Variants in TRO observed in about 807,000 individuals in gnomAD.
The protein encoded by TRO is trophinin, also known as MAGE superfamily protein.
In TRO, 29 loss-of-function variants were observed where a neutral mutation model predicts 42.3. That is an observed-to-expected ratio of 0.68 (90% CI 0.51 to 0.93). The LOEUF is 0.93. Ranked by LOEUF, TRO falls within the 40% of genes least tolerant of loss-of-function variation. TRO has a pLI of 0.00. For missense variants in TRO, 963 were observed against 1,127.7 expected, an observed-to-expected ratio of 0.85 and a Z score of 2.09; for synonymous variants, 384 against 425.2, an observed-to-expected ratio of 0.90 and a Z score of 1.19.
Position 54,923,541 on chromosome X carries a change from G to A in TRO, c.1009G>A (p.Val337Ile), listed in dbSNP as rs771071749. The change falls in exon 3 of 13, where the codon GTC (valine) becomes ATC (isoleucine). Residue 337 changes from valine to isoleucine, a missense_variant. Val to Ile is a conservative substitution (Grantham distance 29, BLOSUM62 3). This residue lies in a region of TRO where 322 missense variants were observed against 316.5 expected (regional missense o/e 1.02). Transcript: ENST00000173898. ...CCAAGCCCTGGCAGCCACCCTGCGGGTCAAGAGAGGGTCTAGGGCTCGGAA... is the reference window on the plus strand; with the variant it reads ...CCAAGCCCTGGCAGCCACCCTGCGGATCAAGAGAGGGTCTAGGGCTCGGAA... The part of the protein sequence containing the change: ...TNQALAATLR[V>I]KRGSRARKAA... 1 of 1,190,592 alleles carries A rather than the reference G, an allele frequency of 8.4e-7. No homozygotes were observed. The highest frequency in any genetic ancestry group is 1.1e-6 in the Non-Finnish European group (1 of 883,754).
intron 7 of TRO, 93 bp downstream of exon 7, chrX:54,925,776 G>C (rs1314191850): frequency 1.4e-5 from 11 of 787,263 alleles, no homozygotes; most frequent in Non-Finnish European, 2.0e-5. Flanking sequence ...TCCTCTTAGA[G>C]AGTCAGGAAA....
At position 54,927,687 on chromosome X, in the gene TRO, T is replaced by C; in HGVS notation, c.1784T>C (p.Val595Ala). 1 of 1,209,891 alleles carries C rather than the reference T, an allele frequency of 8.3e-7. No homozygotes were observed. Among genetic ancestry groups the C allele is most frequent in the African/African-American group, 1.7e-5 (1 of 57,517 alleles). ...VKQKYLEYKR[V>A]PNSRPPEYEF... ...CCAAGGTACCTGGAGTACAAGAGGG[T>C]CCCTAACAGCAGACCACCTGAATAT... Residue 595 changes from valine (V) to alanine (A), a missense_variant, in exon 11 of 13, where the codon GTC becomes GCC. By Grantham distance (64) the Val-to-Ala change is moderately conservative (BLOSUM62 0). Transcript: ENST00000173898.
chrX:54,923,986 T>A, intron 3 of TRO: 4 of 419,575 alleles, frequency 9.5e-6, no homozygotes, highest in Non-Finnish European at 1.6e-5. Flanking sequence ...CTACAACCTG[T>A]ATGTAATACT....
Position 54,930,486 on chromosome X carries a change from C to T in TRO, c.3762C>T (p.Gly1254=). ...GCGCTGGCTTCGGTGGAGGACCAGGCACCAGCACTGGTTTTGGTGGTGGAC... is the reference window on the plus strand; with the variant it reads ...GCGCTGGCTTCGGTGGAGGACCAGGTACCAGCACTGGTTTTGGTGGTGGAC... The part of the protein sequence containing the change: ...GTSAGFGGGP[G]TSTGFGGGLG... The change falls in exon 12 of 13, where the codon GGC becomes GGT. Residue 1254 remains glycine, a synonymous_variant. Coordinates refer to ENST00000173898, the MANE Select transcript of TRO (RefSeq NM_001039705.3). 1.7e-6 allele frequency: 2 copies of T among 1,211,002 alleles called. No individual in the cohort carries two copies. The highest frequency in any genetic ancestry group is 2.2e-6 in the Non-Finnish European group (2 of 895,178).
chrX:54,928,600 C>T lies in TRO; in HGVS notation c.1879-3C>T. On this transcript the variant is annotated splice_polypyrimidine_tract_variant and splice_region_variant and intron_variant, in intron 11 of 12. Transcript: ENST00000173898. ...CTTATTATGATTATCATCCCCATTT[C>T]AGGTGCAGAAGAAAGACCCCAAGGA... The T allele has an allele frequency of 8.8e-7, 1 of 1,142,116 alleles. No individual in the cohort carries two copies. The highest frequency in any genetic ancestry group is 1.2e-6 in the Non-Finnish European group (1 of 862,937). The allele number at this position is 1,142,116 out of a possible 1,213,427, so 94.1% of individuals were successfully genotyped here.
intron 1 of TRO, 152 bp downstream of exon 1, chrX:54,921,030 G>C (rs779138771): frequency 9.0e-6 from 1 of 111,406 alleles, no homozygotes; most frequent in South Asian, 3.8e-4. Flanking sequence ...AGCGGTGCCT[G>C]GACCCAGTTC....
rs755452945 is a variant in TRO, at chrX:54,928,667, A to G, written c.1943A>G (p.Gln648Arg). The change falls in exon 12 of 13, where the codon CAA (glutamine) becomes CGA (arginine). Residue 648 changes from glutamine (Q) to arginine (R), a missense_variant. Gln to Arg is a conservative substitution (Grantham distance 43). Coordinates refer to ENST00000173898, the MANE Select transcript of TRO (RefSeq NM_001039705.3). Reference sequence around the variant, plus strand: ...CGCGAGGCAGTGGAGATGGAAGTCCAAGCTGCAGCTGTGGCTGTGGCTGAG... The same window carrying G: ...CGCGAGGCAGTGGAGATGGAAGTCCGAGCTGCAGCTGTGGCTGTGGCTGAG... The part of the protein sequence containing the change: ...QYREAVEMEV[Q>R]AAAVAVAEAE... 2.5e-6 allele frequency: 3 copies of G among 1,200,871 alleles called. No individual in the cohort carries two copies. The East Asian group carries it at 8.9e-5, about 36-fold the overall frequency.
rs371737983 is a variant in TRO, at chrX:54,928,776, T to C, written c.2052T>C (p.Asp684=). 3.3e-6 allele frequency: 4 copies of C among 1,210,696 alleles called. No homozygotes were observed. The highest frequency in any genetic ancestry group is 4.4e-5 in the Admixed American group (2 of 45,940). The change falls in exon 12 of 13, where the codon GAT becomes GAC. Residue 684 remains aspartate, a synonymous_variant. Transcript: ENST00000173898. Reference sequence around the variant, plus strand: ...GGCCCTGGAATTGGGATGACATGGATATCGACTGCCTAACAAGGGAAGAGT... The same window carrying C: ...GGCCCTGGAATTGGGATGACATGGACATCGACTGCCTAACAAGGGAAGAGT... The part of the protein sequence containing the change: ...VAGPWNWDDM[D]IDCLTREELG...
At position 54,924,751 on chromosome X, in the gene TRO, C is replaced by G. The variant is rs199589273; in HGVS notation, c.1405+18C>G. 1 of 1,204,789 alleles carries G rather than the reference C, an allele frequency of 8.3e-7. No individual in the cohort carries two copies. Among genetic ancestry groups the G allele is most frequent in the Admixed American group, 2.2e-5 (1 of 46,031 alleles). Reference sequence around the variant, plus strand: ...ACGCTCAGGTAGTGTCCTACCAACCCTCCTCCTTGAGCTCTCCTCTCCACT... The same window carrying G: ...ACGCTCAGGTAGTGTCCTACCAACCGTCCTCCTTGAGCTCTCCTCTCCACT... On this transcript the variant is annotated intron_variant, in intron 5 of 12. Coordinates refer to ENST00000173898, the MANE Select transcript of TRO (RefSeq NM_001039705.3).
Position 54,930,272 on chromosome X carries a change from C to T in TRO, c.3548C>T (p.Thr1183Ile), listed in dbSNP as rs1022743515. 3 of 1,211,983 alleles carry T rather than the reference C, an allele frequency of 2.5e-6. No homozygotes were observed. Among genetic ancestry groups the T allele is most frequent in the Middle Eastern group, 4.6e-4 (2 of 4,354 alleles). ...ACCAGTGCCTGCTTTAGTGGTGCTA[C>T]CAGCCCTAGTTTTTGTGATGGACCC... ...PSTSACFSGATSPSFCDGPST... is the reference protein window; with the variant it reads ...PSTSACFSGAISPSFCDGPST... The change falls in exon 12 of 13, where the codon ACC becomes ATC. Residue 1183 changes from threonine (T) to isoleucine (I), a missense_variant. Thr to Ile is a moderately conservative substitution (Grantham distance 89). This residue lies in a region of TRO where 641 missense variants were observed against 811.3 expected (regional missense o/e 0.79). Transcript: ENST00000173898.
In TRO at chrX:54,929,106, C is replaced by T. The variant is rs746967125; in HGVS notation, c.2382C>T (p.Ser794=). ...SSSFSSAASI[S]FGCAHSTSTS... is the part of the protein sequence containing the mutation. Reference sequence around the variant, plus strand: ...GCTTCAGCAGCGCAGCCAGCATTAGCTTTGGTTGTGCACACAGCACCAGCA... The same window carrying T: ...GCTTCAGCAGCGCAGCCAGCATTAGTTTTGGTTGTGCACACAGCACCAGCA... The change falls in exon 12 of 13, where the codon AGC becomes AGT. Residue 794 remains serine, a synonymous_variant. Coordinates refer to ENST00000173898, the MANE Select transcript of TRO (RefSeq NM_001039705.3). 2.5e-6 allele frequency: 3 copies of T among 1,211,487 alleles called. No homozygotes were observed. Among genetic ancestry groups the T allele is most frequent in the African/African-American group, 1.7e-5 (1 of 57,650 alleles).
chrX:54,923,606 A>G lies in TRO; in HGVS notation c.1074A>G (p.Pro358=). ...CTCGGGCAACTGAAAGCCAGACTCC[A>G]AATGCTGACCAAGGGGCCCAGGCCA... ...TKARATESQT[P]NADQGAQAKI... is the part of the protein sequence containing the mutation. Residue 358 remains proline (P), a synonymous_variant, in exon 3 of 13, where the codon CCA becomes CCG. Coordinates refer to ENST00000173898, the MANE Select transcript of TRO (RefSeq NM_001039705.3). 2.5e-6 allele frequency: 3 copies of G among 1,205,680 alleles called. No individual in the cohort carries two copies. Among genetic ancestry groups the G allele is most frequent in the Non-Finnish European group, 3.4e-6 (3 of 891,911 alleles).
rs1172650651 is a variant in TRO, at chrX:54,928,656, G to T, written c.1932G>T (p.Glu644Asp). 8.4e-6 allele frequency: 10 copies of T among 1,195,988 alleles called. No individual in the cohort carries two copies. In the Admixed American group the frequency reaches 2.0e-4, roughly 24 times the overall value. Residue 644 changes from glutamate to aspartate, a missense_variant, in exon 12 of 13, where the codon GAG (glutamate) becomes GAT (aspartate). By Grantham distance (45) the Glu-to-Asp change is conservative. Transcript: ENST00000173898. The part of the protein sequence containing the change: ...DWAVQYREAV[E>D]MEVQAAAVAV... Reference sequence around the variant, plus strand: ...CTGTGCAGTACCGCGAGGCAGTGGAGATGGAAGTCCAAGCTGCAGCTGTGG... The same window carrying T: ...CTGTGCAGTACCGCGAGGCAGTGGATATGGAAGTCCAAGCTGCAGCTGTGG...
At chrX:54,925,563 A>T (rs985625563) in intron 6 of TRO, 29 bp from the exon 7 acceptor site, 4 of 1,180,965 alleles carry the variant, frequency 3.4e-6, no homozygotes, top group Admixed American at 4.4e-5. Context: ...GAATTTTGTG[A>T]TCTCACAGGC....
intron 1 of TRO, 77 bp from the exon 2 acceptor site, chrX:54,922,126 G>A (rs190796961): frequency 1.2e-6 from 1 of 810,022 alleles, no homozygotes; most frequent in East Asian, 3.5e-5. Flanking sequence ...AGGGCCCAAG[G>A]TTACATGAGA....
Position 54,922,665 on chromosome X carries a change from A to T in TRO, c.133A>T (p.Met45Leu). The change falls in exon 3 of 13, where the codon ATG (methionine) becomes TTG (leucine). Residue 45 changes from methionine (M) to leucine (L), a missense_variant. Coordinates refer to ENST00000173898, the MANE Select transcript of TRO (RefSeq NM_001039705.3). ...CACAGAAGAGGACAGTGTCCTGCTG[A>T]TGCATACCCTGTTGGCGGCAACCAA... Reference protein sequence around the residue: ...ETTEEDSVLLMHTLLAATKDS... With the variant: ...ETTEEDSVLLLHTLLAATKDS... The T allele has an allele frequency of 8.3e-7, 1 of 1,211,360 alleles. No homozygotes were observed. The highest frequency in any genetic ancestry group is 3.0e-5 in the East Asian group (1 of 33,811).
In TRO at chrX:54,931,296, C is replaced by T. The variant is rs778113314; in HGVS notation, c.*104C>T. On this transcript the variant is annotated 3_prime_UTR_variant, in exon 13 of 13. Transcript: ENST00000173898. ...ATCCTTGGAATCTTTGTCCACACAG[C>T]AGTCAAGGCAGTTATGGCCAATCAG... 1 of 1,210,622 alleles carries T rather than the reference C, an allele frequency of 8.3e-7. No homozygotes were observed. Among genetic ancestry groups the T allele is most frequent in the East Asian group, 3.0e-5 (1 of 33,799 alleles).
Position 54,929,744 on chromosome X carries a change from T to C in TRO, c.3020T>C (p.Val1007Ala). Residue 1007 changes from valine to alanine, a missense_variant, in exon 12 of 13, where the codon GTC becomes GCC. Transcript: ENST00000173898. ...ADFGGTLSTS[V>A]CFGGSPGTSV... ...TTTGGCGGTACACTAAGCACCAGTG[T>C]CTGCTTTGGTGGCTCTCCTGGCACC... 1 of 1,210,771 alleles carries C rather than the reference T, an allele frequency of 8.3e-7. No homozygotes were observed. Among genetic ancestry groups the C allele is most frequent in the Non-Finnish European group, 1.1e-6 (1 of 895,124 alleles).
intron 7 of TRO, among the ~76,000 whole-genome samples, chrX:54,926,122 T>C (rs1932728029): frequency 8.9e-6 from 1 of 112,269 alleles, no homozygotes; most frequent in South Asian, 3.7e-4. Flanking sequence ...GCTTGTGTTG[T>C]ACCAGGTTGA....
Sources: gnomAD v4.1 joint callset for allele counts (sites outside exome capture counted in the v4.1 genomes callset) on GRCh38, gnomAD v4.1.1 for gene constraint, gnomAD v4.1.1 regional missense constraint, MANE v1.5 for transcripts, NCBI Gene and HGNC (gene_info 2026-07-23, HGNC 2026-07-21) for gene names.